ZNF727: variants seen among roughly 807,000 people sequenced by gnomAD.
ZNF727 encodes the protein zinc finger protein 727.
A neutral mutation model predicts 11.5 loss-of-function variants in ZNF727; 11 were observed. The ratio of observed to expected loss-of-function variants is 0.95; its 90% CI spans 0.60 to 1.58. The LOEUF (loss-of-function observed/expected upper bound fraction) is 1.58, where lower values mean the gene tolerates loss of function less well. ZNF727 is among the 40% of genes most tolerant of loss of function. The pLI is 0.00. For missense variants in ZNF727, 533 were observed against 581.7 expected (o/e 0.92, Z 0.86); for synonymous variants, 171 against 196.1 (o/e 0.87, Z 1.07).
chr7:64,057,722 A>T (rs73127180), intron 1 of ZNF727, among the ~76,000 whole-genome samples: 12,045 of 151,426 alleles, frequency 0.08, 721 homozygotes, highest in African/African-American at 0.16. Context: ...TGATTTTTTT[A>T]AAAAAGTAAA....
At position 64,078,610 on chromosome 7, in the gene ZNF727, TG is replaced by T; in HGVS notation, c.*63del. 6.7e-7 allele frequency: 1 copy of T among 1,491,222 alleles called. No individual in the cohort carries two copies. The highest frequency in any genetic ancestry group is 2.3e-5 in the East Asian group (1 of 42,804). 92.4% of individuals were successfully genotyped at this position (1,491,222 alleles called of 1,614,324 possible). ...TGTGGAAAAGCTTTTACGTGGATCT[TG>T]GCCCTTAGTAAACACAAGAGAATTC... On this transcript the variant is annotated 3_prime_UTR_variant, in exon 4 of 4. Transcript: ENST00000456806.
chr7:64,076,909 AC>A (rs1785675144), intron 3 of ZNF727, among the ~76,000 whole-genome samples: 2 of 152,172 alleles, frequency 1.3e-5, no homozygotes, highest in Admixed American at 6.6e-5. Flanking sequence ...AGAAACATGA[AC>A]ACATGTACCA....
At position 64,082,265 on chromosome 7, in the gene ZNF727, C is replaced by T. The variant is rs995161887; in HGVS notation, c.*3716C>T. On this transcript the variant is annotated 3_prime_UTR_variant, in exon 4 of 4. Coordinates refer to ENST00000456806, the MANE Select transcript of ZNF727 (RefSeq NM_001159522.3). ...GGCAATGATTGGCTAGTGGCCCAGGCCTGGAGAACTTGCCCAGTGAGAATA... is the reference window on the plus strand; with the variant it reads ...GGCAATGATTGGCTAGTGGCCCAGGTCTGGAGAACTTGCCCAGTGAGAATA... Among the ~76,000 whole-genome samples, 3 of 152,138 alleles carry T rather than the reference C, an allele frequency of 2.0e-5. No homozygotes were observed. Among genetic ancestry groups the T allele is most frequent in the Non-Finnish European group, 4.4e-5 (3 of 68,026 alleles).
Position 64,077,677 on chromosome 7 carries a change from A to T in ZNF727, c.628A>T (p.Lys210Ter). 4 of 1,561,774 alleles carry T rather than the reference A, an allele frequency of 2.6e-6. No individual in the cohort carries two copies. Among genetic ancestry groups the T allele is most frequent in the Non-Finnish European group, 3.5e-6 (4 of 1,152,822 alleles). ...ATGTGAAGAATGTGGCAAAGCCTGT[A>T]AAAAGTTCTCAAACCTTACTGAACA... ...YKCEECGKAC[K>*]KFSNLTEHNR... The change falls in exon 4 of 4, where the codon AAA (lysine) becomes TAA (stop). Residue 210 changes from lysine to a stop codon, truncating the protein, a stop_gained. Coordinates refer to ENST00000456806, the MANE Select transcript of ZNF727 (RefSeq NM_001159522.3). LOFTEE classifies it low-confidence loss of function (END_TRUNC).
In ZNF727 at chr7:64,077,480, C is replaced by G; in HGVS notation, c.431C>G (p.Thr144Ser). 6.4e-7 allele frequency: 1 copy of G among 1,551,664 alleles called. No homozygotes were observed. Among genetic ancestry groups the G allele is most frequent in the Non-Finnish European group, 8.7e-7 (1 of 1,146,934 alleles). The change falls in exon 4 of 4, where the codon ACC (threonine) becomes AGC (serine). Residue 144 changes from threonine (T) to serine (S), a missense_variant. Coordinates refer to ENST00000456806, the MANE Select transcript of ZNF727 (RefSeq NM_001159522.3). ...HQCLSATRSK[T>S]CQYNKCGKAF... ...TGTTTGTCAGCTACCCGTAGCAAAA[C>G]CTGTCAATATAATAAATGTGGCAAA...
intron 1 of ZNF727, among the ~76,000 whole-genome samples, chr7:64,052,136 C>T (rs907349969): frequency 6.6e-5 from 10 of 152,140 alleles, no homozygotes; most frequent in Non-Finnish European, 8.8e-5. Flanking sequence ...TCTAAGTGTG[C>T]TGTGTATGAG....
rs777652940 is a variant in ZNF727, at chr7:64,068,889, A to G, written c.4-2A>G. The G allele has an allele frequency of 6.3e-7, 1 of 1,587,730 alleles. No individual in the cohort carries two copies. Among genetic ancestry groups the G allele is most frequent in the Non-Finnish European group, 8.6e-7 (1 of 1,166,260 alleles). On this transcript the variant is annotated splice_acceptor_variant, in intron 1 of 3. Transcript: ENST00000456806. LOFTEE classifies it high-confidence loss of function. ...ACTTGGTAAATATGTTTTGTTTTTC[A>G]GCGAGTGCTAACATTCAGGGATGTG... is the stretch of plus-strand genomic sequence containing the variant.
chr7:64,077,559 G>C lies in ZNF727; in HGVS notation c.510G>C (p.Glu170Asp), dbSNP rs1652370375. Reference sequence around the variant, plus strand: ...AACATAAGAAAATTTTTAGCAGAGAGAAATGCTACAAATGTGAAGAATGTG... The same window carrying C: ...AACATAAGAAAATTTTTAGCAGAGACAAATGCTACAAATGTGAAGAATGTG... ...FTEHKKIFSR[E>D]KCYKCEECGK... The change falls in exon 4 of 4, where the codon GAG (glutamate) becomes GAC (aspartate). Residue 170 changes from glutamate (E) to aspartate (D), a missense_variant. This residue lies in a region of ZNF727 where 463 missense variants were observed against 494.5 expected (regional missense o/e 0.94). Coordinates refer to ENST00000456806, the MANE Select transcript of ZNF727 (RefSeq NM_001159522.3). 1 of 1,551,310 alleles carries C rather than the reference G, an allele frequency of 6.4e-7. No individual in the cohort carries two copies. Among genetic ancestry groups the C allele is most frequent in the African/African-American group, 1.4e-5 (1 of 73,032 alleles).
rs1785830335 is a variant in ZNF727, at chr7:64,083,714, CT to C, written c.*5168del. Among the ~76,000 whole-genome samples the C allele has an allele frequency of 6.6e-6, 1 of 152,174 alleles. No homozygotes were observed. Among genetic ancestry groups the C allele is most frequent in the South Asian group, 2.1e-4 (1 of 4,830 alleles). Reference sequence around the variant, plus strand: ...TCTAGGGTCACACATGCACTCACTGCTTTACTGGGTGGGGAGGTTCCTTTGG... The same window carrying C: ...TCTAGGGTCACACATGCACTCACTGCTTACTGGGTGGGGAGGTTCCTTTGG... On this transcript the variant is annotated 3_prime_UTR_variant, in exon 4 of 4. Transcript: ENST00000456806.
At chr7:64,073,433 G>A (rs13221374) in intron 3 of ZNF727, among the ~76,000 whole-genome samples, 98,447 of 151,222 alleles carry the variant, frequency 0.65, 32,384 homozygotes, top group Admixed American at 0.73. Flanking sequence ...TCTGTTCCAC[G>A]ATTTCTACTG....
chr7:64,068,268 A>G (rs373798155), intron 1 of ZNF727, among the ~76,000 whole-genome samples: 13 of 152,242 alleles, frequency 8.5e-5, no homozygotes, highest in Admixed American at 5.9e-4. Context: ...GCCACATTTA[A>G]TCTGACAGCT....
rs1427200791 is a variant in ZNF727, at chr7:64,081,095, C to G, written c.*2546C>G. Among the ~76,000 whole-genome samples the G allele has an allele frequency of 6.6e-6, 1 of 151,906 alleles. No homozygotes were observed. The highest frequency in any genetic ancestry group is 1.9e-4 in the East Asian group (1 of 5,160). ...AAGGTGCCACAGCTGCTGCAGAGTG[C>G]TAGTGGATATGGGGTTTCTGCCTGT... On this transcript the variant is annotated 3_prime_UTR_variant, in exon 4 of 4. Coordinates refer to ENST00000456806, the MANE Select transcript of ZNF727 (RefSeq NM_001159522.3).
chr7:64,084,083 A>G lies in ZNF727; in HGVS notation c.*5534A>G, dbSNP rs528066160. 9.9e-5 allele frequency among the ~76,000 whole-genome samples: 15 copies of G among 152,178 alleles called. No individual in the cohort carries two copies. Among genetic ancestry groups the G allele is most frequent in the African/African-American group, 2.4e-5 (1 of 41,448 alleles). ...TTCCGTATCAGATGAAAAGATTTAT[A>G]TACTTTCCTATGGAAGATTAAGAGA... On this transcript the variant is annotated 3_prime_UTR_variant, in exon 4 of 4. Transcript: ENST00000456806.
intron 1 of ZNF727, among the ~76,000 whole-genome samples, chr7:64,053,783 T>A (rs1318732020): frequency 6.6e-6 from 1 of 152,158 alleles, no homozygotes; most frequent in East Asian, 1.9e-4. Flanking sequence ...CTTTTTCTTT[T>A]GTAAATTGCC....
At position 64,050,866 on chromosome 7, in the gene ZNF727, G is replaced by C. The variant is rs149411466; in HGVS notation, c.3+5242G>C. 2.5e-3 allele frequency among the ~76,000 whole-genome samples: 374 copies of C among 151,848 alleles called. 1 individual carries two copies. The highest frequency in any genetic ancestry group is 8.2e-3 in the African/African-American group (341 of 41,410). On this transcript the variant is annotated intron_variant, in intron 1 of 3. Coordinates refer to ENST00000456806, the MANE Select transcript of ZNF727 (RefSeq NM_001159522.3). ...ATTTTAAATAAATGGACTTTTGACT[G>C]TAGAGCTTTTAAGTTTTTTAAATTT...
In ZNF727 at chr7:64,077,850, T is replaced by C. The variant is rs938979652; in HGVS notation, c.801T>C (p.Cys267=). ...KCEECHKAFR[C]CSDLTKHKRI... ...AAGAATGTCACAAAGCCTTTAGGTG[T>C]TGCTCAGACCTTACTAAACATAAGA... Residue 267 remains cysteine, a synonymous_variant, in exon 4 of 4, where the codon TGT becomes TGC. Transcript: ENST00000456806. 6.4e-7 allele frequency: 1 copy of C among 1,564,836 alleles called. No individual in the cohort carries two copies. Among genetic ancestry groups the C allele is most frequent in the African/African-American group, 1.4e-5 (1 of 73,266 alleles).
In ZNF727 at chr7:64,081,034, C is replaced by T. The variant is rs1785778969; in HGVS notation, c.*2485C>T. On this transcript the variant is annotated 3_prime_UTR_variant, in exon 4 of 4. Transcript: ENST00000456806. Reference sequence around the variant, plus strand: ...ATTGAGCCCCAACTGTGTTCTGTGGCTCCTTGTGATTTGGAGTCTGCCACT... The same window carrying T: ...ATTGAGCCCCAACTGTGTTCTGTGGTTCCTTGTGATTTGGAGTCTGCCACT... 6.6e-6 allele frequency among the ~76,000 whole-genome samples: 1 copy of T among 151,890 alleles called. No homozygotes were observed. The highest frequency in any genetic ancestry group is 1.5e-5 in the Non-Finnish European group (1 of 68,004).
intron 1 of ZNF727, among the ~76,000 whole-genome samples, chr7:64,061,745 TTC>T (rs1789773830): frequency 6.6e-6 from 1 of 152,038 alleles, no homozygotes; most frequent in African/African-American, 2.4e-5. Context: ...TTGTAGTATC[TTC>T]TCTCTCTTTT....
At chr7:64,070,980 G>A (rs4717168) in intron 3 of ZNF727, among the ~76,000 whole-genome samples, 98,720 of 151,650 alleles carry the variant, frequency 0.65, 32,493 homozygotes, top group Admixed American at 0.73. Context: ...ATAATATTCT[G>A]TTTTGTATAT....
Sources: allele counts gnomAD v4.1 joint callset (sites outside exome capture counted in the v4.1 genomes callset), GRCh38; gene constraint gnomAD v4.1.1; regional missense constraint gnomAD v4.1.1; transcripts MANE v1.5; gene names NCBI Gene and HGNC (gene_info 2026-07-23, HGNC 2026-07-21).